KIAA1671: variants seen among roughly 807,000 people sequenced by gnomAD.
KIAA1671 encodes KIAA1671.
In KIAA1671, 52 loss-of-function variants were observed where a neutral mutation model predicts 131.2. The ratio of observed to expected loss-of-function variants is 0.40; its 90% CI spans 0.32 to 0.50. The LOEUF is 0.50. KIAA1671 is among the 20% of genes least tolerant of loss of function. KIAA1671 has a pLI of 0.73. For missense variants in KIAA1671, 2,360 were observed against 2,364.2 expected, an observed-to-expected ratio of 1.00 and a Z score of 0.04; for synonymous variants, 1,003 against 961.6, an observed-to-expected ratio of 1.04 and a Z score of -0.80.
intron 1 of KIAA1671, among the ~76,000 whole-genome samples, chr22:24,989,679 G>A (rs1683575573): frequency 6.6e-6 from 1 of 152,156 alleles, no homozygotes; most frequent in Admixed American, 6.5e-5. Context: ...GTCCCTGGGT[G>A]GGGAAGAAAC....
intron 1 of KIAA1671, among the ~76,000 whole-genome samples, chr22:24,962,041 T>A (rs895058564): frequency 2.6e-5 from 4 of 152,244 alleles, no homozygotes; most frequent in Non-Finnish European, 4.4e-5. Context: ...TCAGAGATAT[T>A]ACTGCATAAG....
chr22:25,190,621 C>T (rs1270598067), intron 11 of KIAA1671, 81 bp from the exon 12 acceptor site: 21 of 1,200,116 alleles, frequency 1.7e-5, no homozygotes, highest in Middle Eastern at 1.9e-4. Flanking sequence ...CAGGGATAGA[C>T]AGTCGGATAC....
intron 3 of KIAA1671, among the ~76,000 whole-genome samples, chr22:25,030,090 T>TTAAGTCAGTTGGTTAATAATGATACTC (rs1602080990): frequency 1.3e-5 from 2 of 152,220 alleles, no homozygotes; most frequent in Non-Finnish European, 2.9e-5. Context: ...ACTGATACTC[T>TTAAGTCAGTTGGTTAATAATGATACTC]TAAGTCAGTT....
chr22:25,191,307 C>T (rs1017167420), intron 12 of KIAA1671, among the ~76,000 whole-genome samples: 1 of 152,070 alleles, frequency 6.6e-6, no homozygotes, highest in Non-Finnish European at 1.5e-5. Context: ...AGGTGCCTGC[C>T]ACCATGCCCA....
intron 1 of KIAA1671, among the ~76,000 whole-genome samples, chr22:24,996,126 G>T (rs1924122167): frequency 6.6e-6 from 1 of 152,042 alleles, no homozygotes; most frequent in Admixed American, 6.6e-5. Flanking sequence ...CATCTTCAGG[G>T]GAGGGGCTTA....
chr22:25,008,080 C>T (rs1924843795), intron 1 of KIAA1671, among the ~76,000 whole-genome samples: 1 of 151,230 alleles, frequency 6.6e-6, no homozygotes, highest in Non-Finnish European at 1.5e-5. Context: ...TGCCTGTAAT[C>T]CCAGCTACTC....
At position 25,038,743 on chromosome 22, in the gene KIAA1671, T is replaced by A. The variant is rs1926746697; in HGVS notation, c.1630-17T>A. 2 of 1,516,726 alleles carry A rather than the reference T, an allele frequency of 1.3e-6. No homozygotes were observed. The allele number at this position is 1,516,726 out of a possible 1,614,324, so 94.0% of individuals were successfully genotyped here. On this transcript the variant is annotated splice_polypyrimidine_tract_variant and intron_variant, in intron 4 of 12. Transcript: ENST00000358431. The stretch of plus-strand genomic sequence containing the variant: ...TTAAACACTGAGGTGTTTCTTTTTC[T>A]TTTTGTTTCTTTCCAGCAAAAGGAG...
intron 6 of KIAA1671, among the ~76,000 whole-genome samples, chr22:25,118,808 CT>C (rs1300280327): frequency 2.6e-5 from 4 of 152,154 alleles, no homozygotes; most frequent in Non-Finnish European, 5.9e-5. Flanking sequence ...TCACTCTGAC[CT>C]TGCCCCTCTG....
At chr22:25,012,277 C>CT (rs757356919) in intron 1 of KIAA1671, 2,573 of 112,516 alleles carry the variant, frequency 0.023, 69 homozygotes, top group African/African-American at 0.069. Context: ...TTTTCTTCTT[C>CT]TTTTTTTTTT....
chr22:25,007,967 G>A (rs1027218062), intron 1 of KIAA1671, among the ~76,000 whole-genome samples: 37 of 151,654 alleles, frequency 2.4e-4, no homozygotes, highest in Non-Finnish European at 1.5e-4. Flanking sequence ...AGGCTGAGGC[G>A]GGTGGATCAT....
intron 6 of KIAA1671, among the ~76,000 whole-genome samples, chr22:25,151,307 A>G (rs556110588): frequency 1.3e-4 from 19 of 148,836 alleles, no homozygotes; most frequent in African/African-American, 4.4e-4. Flanking sequence ...ACATATATAC[A>G]TATATGCATA....
At chr22:25,116,604 T>A (rs1931678216) in intron 6 of KIAA1671, among the ~76,000 whole-genome samples, 1 of 151,388 alleles carries the variant, frequency 6.6e-6, no homozygotes, top group African/African-American at 2.4e-5. Context: ...GTATTTTTAG[T>A]AGAGACAGGG....
intron 6 of KIAA1671, chr22:25,055,177 A>AT (rs1927770599): frequency 1.3e-5 from 2 of 149,610 alleles, no homozygotes; most frequent in Non-Finnish European, 3.0e-5. Context: ...CTTTGTTATT[A>AT]AGACTGGAAA....
intron 11 of KIAA1671, among the ~76,000 whole-genome samples, chr22:25,189,814 G>A (rs2146052445): frequency 6.6e-6 from 1 of 152,264 alleles, no homozygotes; most frequent in East Asian, 1.9e-4. Context: ...GTCTCACTGT[G>A]TTGCGTAGGC....
intron 6 of KIAA1671, chr22:25,058,163 C>T (rs1410438559): frequency 6.6e-6 from 1 of 152,136 alleles, no homozygotes; most frequent in African/African-American, 2.4e-5. Context: ...AATCTAAATG[C>T]ATGGGGGCAG....
chr22:24,958,224 TAAG>T (rs1377321693), intron 1 of KIAA1671, among the ~76,000 whole-genome samples: 2 of 152,078 alleles, frequency 1.3e-5, no homozygotes, highest in African/African-American at 4.8e-5. Context: ...TGCTGCCATT[TAAG>T]AAGAAGCTAA....
At chr22:25,084,037 A>G (rs1193963372) in intron 6 of KIAA1671, among the ~76,000 whole-genome samples, 1 of 152,270 alleles carries the variant, frequency 6.6e-6, no homozygotes, top group Admixed American at 6.5e-5. Context: ...GCGGCCTGCC[A>G]CGTGAGTGCA....
intron 6 of KIAA1671, among the ~76,000 whole-genome samples, chr22:25,167,214 G>A (rs970232721): frequency 1.2e-4 from 18 of 152,304 alleles, no homozygotes; most frequent in Middle Eastern, 3.4e-3. Flanking sequence ...TCCCTACAGC[G>A]TGCTAACAGC....
At chr22:25,147,123 C>G (rs1298790325) in intron 6 of KIAA1671, among the ~76,000 whole-genome samples, 1 of 152,112 alleles carries the variant, frequency 6.6e-6, no homozygotes, top group African/African-American at 2.4e-5. Context: ...AACATGCTGT[C>G]TGTGCCATGC....
Sources: allele counts gnomAD v4.1 joint callset (sites outside exome capture counted in the v4.1 genomes callset), GRCh38; gene constraint gnomAD v4.1.1; transcripts MANE v1.5; gene names NCBI Gene and HGNC (gene_info 2026-07-23, HGNC 2026-07-21).